PAWR: variants seen among roughly 807,000 people sequenced by gnomAD.
PAWR encodes pro-apoptotic WT1 regulator, also known as PRKC apoptosis WT1 regulator protein.
In PAWR, 23 loss-of-function variants were observed where a neutral mutation model predicts 32.0. The observed-to-expected ratio is 0.72, with a 90% CI of 0.52 to 1.02. The LOEUF (loss-of-function observed/expected upper bound fraction) is 1.02, where lower values mean the gene tolerates loss of function less well. Among genes scored for constraint, PAWR ranks in the 50% least tolerant of loss-of-function variants. The pLI is 0.00. For missense variants in PAWR, 457 were observed against 437.7 expected, an observed-to-expected ratio of 1.04 and a Z score of -0.39; for synonymous variants, 226 against 187.1, an observed-to-expected ratio of 1.21 and a Z score of -1.70.
At chr12:79,595,563 T>G (rs1448631204) in intron 5 of PAWR, among the ~76,000 whole-genome samples, 2 of 152,168 alleles carry the variant, frequency 1.3e-5, no homozygotes, top group Non-Finnish European at 2.9e-5. Context: ...TATGAAATAA[T>G]AGGCTGGGCA....
chr12:79,638,863 CAT>C (rs1555237600), intron 2 of PAWR, among the ~76,000 whole-genome samples: 287 of 8,132 alleles, frequency 0.035, 4 homozygotes, highest in Non-Finnish European at 0.052. Context: ...GAGATGGAGT[CAT>C]ATATATATAT....
At chr12:79,646,227 T>A (rs1200232838) in intron 2 of PAWR, among the ~76,000 whole-genome samples, 1 of 152,168 alleles carries the variant, frequency 6.6e-6, no homozygotes, top group Non-Finnish European at 1.5e-5. Context: ...AGGAAGTTAG[T>A]GAATCTTAAA....
intron 5 of PAWR, among the ~76,000 whole-genome samples, chr12:79,595,251 TA>T (rs1383508379): frequency 1.3e-5 from 2 of 152,244 alleles, no homozygotes; most frequent in African/African-American, 4.8e-5. Flanking sequence ...TACTGATTTT[TA>T]ATTTTTTTTT....
intron 2 of PAWR, among the ~76,000 whole-genome samples, chr12:79,650,714 TAAAA>T (rs34166197): frequency 8.8e-6 from 1 of 113,072 alleles, no homozygotes. Flanking sequence ...TAAAGGTTAT[TAAAA>T]AAAAAAAAAA....
At chr12:79,640,185 G>T (rs1876253152) in intron 2 of PAWR, among the ~76,000 whole-genome samples, 1 of 152,062 alleles carries the variant, frequency 6.6e-6, no homozygotes, top group Non-Finnish European at 1.5e-5. Flanking sequence ...TTTCAGGCCT[G>T]AGCCACCGTG....
intron 4 of PAWR, among the ~76,000 whole-genome samples, chr12:79,600,003 C>G (rs1873898259): frequency 6.6e-6 from 1 of 152,114 alleles, no homozygotes; most frequent in South Asian, 2.1e-4. Context: ...ACATGTCATG[C>G]CTGCAACTAC....
Position 79,689,987 on chromosome 12 carries a change from G to A in PAWR, c.258C>T (p.Pro86=), listed in dbSNP as rs978350097. The A allele has an allele frequency of 3.0e-6, 4 of 1,317,532 alleles. No individual in the cohort carries two copies. The highest frequency in any genetic ancestry group is 3.1e-5 in the African/African-American group (2 of 64,394). 81.6% of individuals were successfully genotyped at this position (1,317,532 alleles called of 1,614,324 possible). ...GAPAAPAVPG[P]GGVNCAVGSA... ...AGCCGACCGCGCAGTTCACGCCCCC[G>A]GGACCGGGGACGGCAGGTGCGGCCG... The change falls in exon 2 of 7, where the codon CCC becomes CCT. Residue 86 remains proline, a synonymous_variant. Transcript: ENST00000328827.
At chr12:79,639,881 TATTCCATTCCA>T (rs1566014409) in intron 2 of PAWR, among the ~76,000 whole-genome samples, 1 of 112,502 alleles carries the variant, frequency 8.9e-6, no homozygotes, top group Non-Finnish European at 1.6e-5. Flanking sequence ...TTCCTATTCC[TATTCCATTCCA>T]TTCCATTCCA....
Position 79,685,214 on chromosome 12 carries a change from C to T in PAWR, c.516+4515G>A, listed in dbSNP as rs1032513905. On this transcript the variant is annotated intron_variant, in intron 2 of 6. Coordinates refer to ENST00000328827, the MANE Select transcript of PAWR (RefSeq NM_002583.4). The stretch of plus-strand genomic sequence containing the variant: ...ACATTTAGGAAAGCTGGGCTAATAG[C>T]CCAGGTTTTACACTAAACAGTCTCA... 3.3e-5 allele frequency among the ~76,000 whole-genome samples: 5 copies of T among 152,128 alleles called. No homozygotes were observed. In the East Asian group the frequency reaches 9.7e-4, roughly 29 times the overall value.
At chr12:79,609,265 G>A (rs1432086520) in intron 4 of PAWR, among the ~76,000 whole-genome samples, 1 of 152,170 alleles carries the variant, frequency 6.6e-6, no homozygotes, top group East Asian at 1.9e-4. Context: ...CCTTATAGAA[G>A]CTGGTTGGCA....
chr12:79,667,455 T>C (rs1300161688), intron 2 of PAWR, among the ~76,000 whole-genome samples: 1 of 152,186 alleles, frequency 6.6e-6, no homozygotes, highest in East Asian at 1.9e-4. Flanking sequence ...GGGGGATGCA[T>C]TCAGCAAAAT....
At chr12:79,626,878 T>C (rs1463174696) in intron 2 of PAWR, among the ~76,000 whole-genome samples, 1 of 152,120 alleles carries the variant, frequency 6.6e-6, no homozygotes, top group Non-Finnish European at 1.5e-5. Context: ...CTGAGAATGA[T>C]GGTTTCCAGT....
Position 79,620,979 on chromosome 12 carries a change from G to T in PAWR, c.648+97C>A, listed in dbSNP as rs548179279. On this transcript the variant is annotated intron_variant, in intron 3 of 6. Coordinates refer to ENST00000328827, the MANE Select transcript of PAWR (RefSeq NM_002583.4). ...GAAGGCATAAGTAGGAGGAAAGGAG[G>T]CAATGGGAGATATATTACTACATAC... is the stretch of plus-strand genomic sequence containing the variant. 5.3e-4 allele frequency: 446 copies of T among 844,656 alleles called. 1 individual carries two copies. In the African/African-American group the frequency reaches 5.8e-3, roughly 11 times the overall value. The allele number at this position is 844,656 out of a possible 1,614,324, so 52.3% of individuals were successfully genotyped here.
At chr12:79,668,456 G>A (rs371751530) in intron 2 of PAWR, 1 of 152,182 alleles carries the variant, frequency 6.6e-6, no homozygotes, top group East Asian at 1.9e-4. Context: ...GAAAATTATA[G>A]ACCAGTGGTT....
In PAWR at chr12:79,589,807, T is replaced by C. The variant is rs781031506; in HGVS notation, c.*2800A>G. 6.6e-6 allele frequency: 1 copy of C among 152,168 alleles called. No individual in the cohort carries two copies. The highest frequency in any genetic ancestry group is 1.9e-4 in the East Asian group (1 of 5,198). The allele number at this position is 152,168 out of a possible 1,614,324, so 9.4% of individuals were successfully genotyped here. A position where few individuals can be genotyped will look rare whatever the true frequency, so the allele number is the denominator to read the frequency against. ...AATACATTAGAACTTTGAATGTGCT[T>C]TATTATGCCACAAATTCCCAGGAGA... On this transcript the variant is annotated 3_prime_UTR_variant, in exon 7 of 7. Transcript: ENST00000328827.
chr12:79,646,350 A>C (rs577942080), intron 2 of PAWR, among the ~76,000 whole-genome samples: 269 of 152,308 alleles, frequency 1.8e-3, no homozygotes, highest in African/African-American at 6.1e-3. Context: ...TTCTCTGTAG[A>C]TACTGAACTA....
chr12:79,690,871 C>T lies in PAWR; in HGVS notation c.-148+1G>A, dbSNP rs1878989253. The T allele has an allele frequency of 6.6e-6, 1 of 152,232 alleles. No homozygotes were observed. Among genetic ancestry groups the T allele is most frequent in the African/African-American group, 2.4e-5 (1 of 41,442 alleles). 9.4% of individuals were successfully genotyped at this position (152,232 alleles called of 1,614,324 possible). On this transcript the variant is annotated splice_donor_variant, in intron 1 of 6. Coordinates refer to ENST00000328827, the MANE Select transcript of PAWR (RefSeq NM_002583.4). LOFTEE classifies it low-confidence loss of function (5UTR_SPLICE). ...GGACCGGGTGTGAGCGAGCGCCTTA[C>T]CTTGGAGGAGCTTGTAGGGGACGAG... is the stretch of plus-strand genomic sequence containing the variant.
At chr12:79,611,635 A>C (rs1874445868) in intron 4 of PAWR, among the ~76,000 whole-genome samples, 3 of 151,914 alleles carry the variant, frequency 2.0e-5, no homozygotes, top group Admixed American at 2.0e-4. Flanking sequence ...TTCTCTTTTT[A>C]GATGGCATTA....
intron 4 of PAWR, chr12:79,604,327 C>G: frequency 2.0e-6 from 2 of 1,005,810 alleles, no homozygotes; most frequent in Middle Eastern, 5.0e-4. Context: ...AAATGCCACC[C>G]CTTACTGGAA....
Sources: gnomAD v4.1 joint callset for allele counts (sites outside exome capture counted in the v4.1 genomes callset) on GRCh38, gnomAD v4.1.1 for gene constraint, MANE v1.5 for transcripts, NCBI Gene and HGNC (gene_info 2026-07-23, HGNC 2026-07-21) for gene names.